MRRF: variants seen among roughly 807,000 people sequenced by gnomAD.
MRRF encodes the protein ribosome-recycling factor, mitochondrial.
Under a neutral mutation model 25.1 loss-of-function variants are expected in MRRF, and 18 were observed. The ratio of observed to expected loss-of-function variants is 0.72; its 90% CI spans 0.50 to 1.06. The LOEUF (loss-of-function observed/expected upper bound fraction) is 1.06. MRRF is among the 50% of genes least tolerant of loss of function. The pLI is 0.00. For synonymous variants in MRRF, 113 were observed against 112.1 expected (o/e 1.01, Z -0.05); for missense variants, 323 against 319.3 (o/e 1.01, Z -0.09).
intron 3 of MRRF, among the ~76,000 whole-genome samples, chr9:122,284,943 A>G (rs999480717): frequency 6.6e-6 from 1 of 152,034 alleles, no homozygotes; most frequent in Non-Finnish European, 1.5e-5. Flanking sequence ...ACATGCCACC[A>G]TACCTGCTAA....
intron 2 of MRRF, among the ~76,000 whole-genome samples, chr9:122,277,809 G>T (rs1172888169): frequency 6.6e-6 from 1 of 152,090 alleles, no homozygotes; most frequent in African/African-American, 2.4e-5. Flanking sequence ...GCCTTGGCTT[G>T]CCAAAGTGCT....
chr9:122,270,253 G>A (rs1216612371), intron 1 of MRRF, among the ~76,000 whole-genome samples: 1 of 152,194 alleles, frequency 6.6e-6, no homozygotes, highest in Non-Finnish European at 1.5e-5. Context: ...GATGTAGAAT[G>A]CGTAACTTGT....
intron 5 of MRRF, among the ~76,000 whole-genome samples, chr9:122,306,689 A>T (rs1013897223): frequency 1.3e-5 from 2 of 152,162 alleles, no homozygotes; most frequent in Admixed American, 1.3e-4. Flanking sequence ...CGCATGTATG[A>T]TGGAGCTGAG....
At position 122,271,765 on chromosome 9, in the gene MRRF, C is replaced by G. The variant is rs538985300; in HGVS notation, c.184+690C>G. 5.8e-4 allele frequency among the ~76,000 whole-genome samples: 88 copies of G among 152,216 alleles called. 1 individual carries two copies. The highest frequency in any genetic ancestry group is 2.1e-3 in the African/African-American group (87 of 41,524). ...GTTCTTATTTAGCACCTAACAGGGC[C>G]TGGATTTAGTATGTATTGACAAATT... On this transcript the variant is annotated intron_variant, in intron 2 of 6. Transcript: ENST00000344641.
chr9:122,295,061 T>C (rs904712949), intron 5 of MRRF, among the ~76,000 whole-genome samples: 4 of 152,204 alleles, frequency 2.6e-5, no homozygotes, highest in Non-Finnish European at 1.5e-5. Flanking sequence ...GTTCCAACAT[T>C]TCCTGCTTTT....
At chr9:122,275,806 A>G (rs1832736132) in intron 2 of MRRF, among the ~76,000 whole-genome samples, 1 of 152,172 alleles carries the variant, frequency 6.6e-6, no homozygotes, top group South Asian at 2.1e-4. Context: ...TTATACACAA[A>G]CACACACACC....
At chr9:122,312,828 G>T (rs766053696) in intron 5 of MRRF, among the ~76,000 whole-genome samples, 7 of 152,138 alleles carry the variant, frequency 4.6e-5, no homozygotes, top group Non-Finnish European at 7.4e-5. Context: ...AATGAAGCAT[G>T]GGCTCTTGAT....
intron 1 of MRRF, among the ~76,000 whole-genome samples, chr9:122,269,441 G>A (rs1395603045): frequency 6.6e-6 from 1 of 151,492 alleles, no homozygotes; most frequent in Non-Finnish European, 1.5e-5. Flanking sequence ...AAAAGTTTTA[G>A]AGGCCGGGCA....
In MRRF at chr9:122,325,081, G is replaced by A. The variant is rs1836089752; in HGVS notation, c.*2464G>A. On this transcript the variant is annotated 3_prime_UTR_variant, in exon 7 of 7. Coordinates refer to ENST00000344641, the MANE Select transcript of MRRF (RefSeq NM_138777.5). ...GGATTTTTTAATAAACAGAGGAAAT[G>A]ATAAATTATGTTGTAATTCCACTCC... 6.6e-6 allele frequency: 1 copy of A among 152,182 alleles called. No individual in the cohort carries two copies. 9.4% of individuals were successfully genotyped at this position (152,182 alleles called of 1,614,324 possible).
At chr9:122,314,394 G>T (rs1335542260) in intron 6 of MRRF, among the ~76,000 whole-genome samples, 1 of 152,124 alleles carries the variant, frequency 6.6e-6, no homozygotes, top group African/African-American at 2.4e-5. Flanking sequence ...CATTTGATTG[G>T]CCAAAGCAAG....
chr9:122,266,589 A>G (rs1832102439), intron 1 of MRRF, among the ~76,000 whole-genome samples: 1 of 152,242 alleles, frequency 6.6e-6, no homozygotes, highest in African/African-American at 2.4e-5. Flanking sequence ...AGTATTTTAT[A>G]TGCAAGAGCC....
intron 2 of MRRF, among the ~76,000 whole-genome samples, chr9:122,274,353 ATTT>A (rs1832644471): frequency 6.6e-6 from 1 of 152,170 alleles, no homozygotes; most frequent in Non-Finnish European, 1.5e-5. Flanking sequence ...AGACTGGGTA[ATTT>A]ATAAAGGAAA....
intron 5 of MRRF, among the ~76,000 whole-genome samples, chr9:122,300,599 G>T (rs923806810): frequency 3.3e-5 from 5 of 152,116 alleles, no homozygotes; most frequent in African/African-American, 1.2e-4. Context: ...GATTATTTGG[G>T]AGTAAAACTA....
intron 4 of MRRF, chr9:122,285,865 G>A (rs1242346389): frequency 7.8e-7 from 1 of 1,285,424 alleles, no homozygotes; most frequent in South Asian, 1.3e-5. Flanking sequence ...AGTATTTGGA[G>A]CAGACCCTCC....
intron 2 of MRRF, among the ~76,000 whole-genome samples, chr9:122,277,366 C>T (rs1832838245): frequency 6.6e-6 from 1 of 152,024 alleles, no homozygotes; most frequent in Non-Finnish European, 1.5e-5. Context: ...GTTTGCCAGG[C>T]TTATAATTTT....
At chr9:122,311,251 G>T (rs960092051) in intron 5 of MRRF, among the ~76,000 whole-genome samples, 3 of 152,056 alleles carry the variant, frequency 2.0e-5, no homozygotes, top group Non-Finnish European at 4.4e-5. Flanking sequence ...TTGTATTTTA[G>T]ATACCTTTCA....
rs1231759050 is a variant in MRRF at position 122,325,629 on chromosome 9, C to CG, written c.*3012_*3013insG. On this transcript the variant is annotated 3_prime_UTR_variant, in exon 7 of 7. Coordinates refer to ENST00000344641, the MANE Select transcript of MRRF (RefSeq NM_138777.5). ...GAGAATTTGAGAATTTTTTTCCTGT[C>CG]TGGTGTGTGTGTGTGTGTGTGTGTG... 1.0e-4 allele frequency: 12 copies of CG among 119,450 alleles called. No homozygotes were observed. Among genetic ancestry groups the CG allele is most frequent in the African/African-American group, 3.6e-4 (11 of 30,570 alleles). 7.4% of individuals were successfully genotyped at this position (119,450 alleles called of 1,614,324 possible).
chr9:122,270,958 A>T lies in MRRF; in HGVS notation c.67A>T (p.Ile23Phe), dbSNP rs766989884. 3 of 1,614,200 alleles carry T rather than the reference A, an allele frequency of 1.9e-6. No individual in the cohort carries two copies. In the South Asian group the frequency reaches 3.3e-5, roughly 18 times the overall value. ...CTTTCGCAATTATCTTGCAGCCTCT[A>T]TCAGACCCGTTTCAGAAGTTACACT... is the stretch of plus-strand genomic sequence containing the variant. Reference protein sequence around the residue: ...PTFRNYLAASIRPVSEVTLKT... With the variant: ...PTFRNYLAASFRPVSEVTLKT... Residue 23 changes from isoleucine (I) to phenylalanine (F), a missense_variant, in exon 2 of 7, where the codon ATC becomes TTC. Transcript: ENST00000344641.
At position 122,301,238 on chromosome 9, in the gene MRRF, C is replaced by G. The variant is rs560127234; in HGVS notation, c.551+9398C>G. Among the ~76,000 whole-genome samples the G allele has an allele frequency of 2.6e-5, 4 of 152,292 alleles. No individual in the cohort carries two copies. In the South Asian group the frequency reaches 8.3e-4, roughly 32 times the overall value. ...TGTTTATTCCCTCCACCCCGCCGTC[C>G]CTCATATGCTGATGTGCAGTTTCTC... On this transcript the variant is annotated intron_variant, in intron 5 of 6. Transcript: ENST00000344641.
Sources: gnomAD v4.1 joint callset for allele counts (sites outside exome capture counted in the v4.1 genomes callset) on GRCh38, gnomAD v4.1.1 for gene constraint, MANE v1.5 for transcripts, NCBI Gene and HGNC (gene_info 2026-07-23, HGNC 2026-07-21) for gene names.